Variants in WIPF1 observed in about 807,000 individuals in gnomAD.
The protein encoded by WIPF1 is WAS/WASL-interacting protein family member 1.
WIPF1 carries 13 observed loss-of-function variants against 35.4 expected under a neutral mutation model. That is an observed-to-expected ratio of 0.37 (90% CI 0.24 to 0.58). The LOEUF (loss-of-function observed/expected upper bound fraction) is 0.58. Ranked by LOEUF, WIPF1 falls within the 20% of genes least tolerant of loss-of-function variation. The probability of loss-of-function intolerance (pLI) is 0.74; values close to 1 mark genes in which losing one functional copy is unlikely to be tolerated. For synonymous variants in WIPF1, 267 were observed against 266.3 expected (o/e 1.00, Z -0.02); for missense variants, 591 against 667.0 (o/e 0.89, Z 1.25).
chr2:174,568,384 A>G (rs1042417178), intron 5 of WIPF1, among the ~76,000 whole-genome samples: 1 of 152,282 alleles, frequency 6.6e-6, no homozygotes, highest in Non-Finnish European at 1.5e-5. Context: ...ACAACCGTAT[A>G]TTTAAAAAAA....
In WIPF1 at chr2:174,560,958, T is replaced by C. The variant is rs573671782; in HGVS notation, c.*1589A>G. 1.3e-5 allele frequency: 2 copies of C among 152,758 alleles called. No homozygotes were observed. Among genetic ancestry groups the C allele is most frequent in the East Asian group, 3.8e-4 (2 of 5,196 alleles). The allele number at this position is 152,758 out of a possible 1,614,324, so 9.5% of individuals were successfully genotyped here. On this transcript the variant is annotated 3_prime_UTR_variant, in exon 8 of 8. Transcript: ENST00000679041. ...AACCATGATACAATGTTTAGGTAGA[T>C]ATACATATACATATGTGGTCATGTG...
chr2:174,645,845 G>T (rs998560581), intron 1 of WIPF1, among the ~76,000 whole-genome samples: 2 of 152,130 alleles, frequency 1.3e-5, no homozygotes, highest in Non-Finnish European at 2.9e-5. Flanking sequence ...AAATAATTAG[G>T]CCCTATATTC....
chr2:174,619,618 C>T (rs190957882), intron 1 of WIPF1, among the ~76,000 whole-genome samples: 13 of 152,238 alleles, frequency 8.5e-5, no homozygotes, highest in African/African-American at 3.1e-4. Flanking sequence ...AGATGGCCTT[C>T]GGGGAAGGCC....
intron 1 of WIPF1, among the ~76,000 whole-genome samples, chr2:174,628,136 C>G (rs763101154): frequency 2.6e-5 from 4 of 152,154 alleles, no homozygotes; most frequent in Non-Finnish European, 2.9e-5. Context: ...GGCTGCTGGG[C>G]ACCCCGGAAT....
intron 5 of WIPF1, chr2:174,568,929 T>C (rs1248129266): frequency 6.6e-6 from 1 of 152,136 alleles, no homozygotes; most frequent in Non-Finnish European, 1.5e-5. Context: ...CTAAGAAAAA[T>C]TCAAGGAAAT....
chr2:174,682,521 C>G (rs1040625974), intron 1 of WIPF1, among the ~76,000 whole-genome samples: 1 of 152,094 alleles, frequency 6.6e-6, no homozygotes, highest in African/African-American at 2.4e-5. Context: ...TCCACGGCCC[C>G]TTCCTCCCCG....
At chr2:174,600,121 C>T (rs1264064680), upstream of WIPF1, among the ~76,000 whole-genome samples, 1 of 152,156 alleles carries the variant, frequency 6.6e-6, no homozygotes, top group Non-Finnish European at 1.5e-5. Flanking sequence ...ACTTGCTCAC[C>T]AGCTGCTCAC....
At chr2:174,636,259 T>C (rs1342813560) in intron 1 of WIPF1, among the ~76,000 whole-genome samples, 1 of 152,232 alleles carries the variant, frequency 6.6e-6, no homozygotes, top group African/African-American at 2.4e-5. Flanking sequence ...TTAAGCCGTG[T>C]TCTGTGTGGA....
intron 1 of WIPF1, among the ~76,000 whole-genome samples, chr2:174,631,440 T>C (rs140910547): frequency 3.3e-5 from 5 of 152,280 alleles, no homozygotes; most frequent in Non-Finnish European, 7.4e-5. Context: ...GAAAGTAGAA[T>C]GGTGGCTGCC....
intron 1 of WIPF1, among the ~76,000 whole-genome samples, chr2:174,639,772 T>C (rs1687259123): frequency 6.6e-6 from 1 of 152,216 alleles, no homozygotes; most frequent in Non-Finnish European, 1.5e-5. Flanking sequence ...GTCTTATTTT[T>C]AAATTTTGTC....
rs180801451 is a variant in WIPF1 at position 174,649,069 on chromosome 2, C to G, written c.-39+33705G>C. On this transcript the variant is annotated intron_variant, in intron 1 of 8. Coordinates refer to the WIPF1 transcript ENST00000272746. ...AGTGATGGCCATTTCCCCCACCACT[C>G]CTCATAGTGAACGTGCCCCCACAGT... 6.6e-4 allele frequency among the ~76,000 whole-genome samples: 101 copies of G among 152,292 alleles called. 2 individuals carry two copies. Among genetic ancestry groups the G allele is most frequent in the African/African-American group, 2.2e-3 (93 of 41,554 alleles).
chr2:174,679,199 G>A (rs1360218005), intron 1 of WIPF1, among the ~76,000 whole-genome samples: 1 of 152,106 alleles, frequency 6.6e-6, no homozygotes, highest in Non-Finnish European at 1.5e-5. Flanking sequence ...GGCTGGGTGC[G>A]GTGGCTCACG....
At chr2:174,564,579 A>G (rs1684585767) in intron 7 of WIPF1, among the ~76,000 whole-genome samples, 1 of 152,170 alleles carries the variant, frequency 6.6e-6, no homozygotes, top group South Asian at 2.1e-4. Context: ...CTCAAGTCTT[A>G]AAGGAGGATG....
intron 1 of WIPF1, among the ~76,000 whole-genome samples, chr2:174,626,267 G>C (rs934682781): frequency 6.6e-6 from 1 of 152,112 alleles, no homozygotes; most frequent in African/African-American, 2.4e-5. Flanking sequence ...CTTCACTTCT[G>C]TTTACCCAAA....
intron 1 of WIPF1, among the ~76,000 whole-genome samples, chr2:174,587,894 G>A (rs1480324116): frequency 1.3e-5 from 2 of 152,200 alleles, no homozygotes; most frequent in Non-Finnish European, 2.9e-5. Flanking sequence ...TAACTAGGCT[G>A]GAATCTGTTT....
At chr2:174,587,063 G>A (rs1192709330) in intron 1 of WIPF1, among the ~76,000 whole-genome samples, 1 of 152,096 alleles carries the variant, frequency 6.6e-6, no homozygotes. Flanking sequence ...CTGGAATGCA[G>A]TGGCATAATC....
chr2:174,632,224 C>T (rs571527739), intron 1 of WIPF1, among the ~76,000 whole-genome samples: 1 of 152,288 alleles, frequency 6.6e-6, no homozygotes, highest in East Asian at 1.9e-4. Context: ...TGTGTCTCCA[C>T]TCGTTCTTTC....
chr2:174,569,208 C>A (rs1025524749), intron 5 of WIPF1, among the ~76,000 whole-genome samples: 1 of 152,180 alleles, frequency 6.6e-6, no homozygotes, highest in African/African-American at 2.4e-5. Context: ...GAACCTTAAA[C>A]TGAACAACCT....
chr2:174,676,948 G>C (rs937802402), intron 1 of WIPF1: 2 of 152,142 alleles, frequency 1.3e-5, no homozygotes, highest in African/African-American at 4.8e-5. Flanking sequence ...GATCGCTTGA[G>C]CCCAGGAATT....
Sources: allele counts gnomAD v4.1 joint callset (sites outside exome capture counted in the v4.1 genomes callset), GRCh38; gene constraint gnomAD v4.1.1; transcripts MANE v1.5; gene names NCBI Gene and HGNC (gene_info 2026-07-23, HGNC 2026-07-21).